LTBP1: variants seen among roughly 807,000 people sequenced by gnomAD.
LTBP1 encodes latent transforming growth factor beta binding protein 1.
A neutral mutation model predicts 207.6 loss-of-function variants in LTBP1; 129 were observed. That is an observed-to-expected ratio of 0.62 (90% confidence interval 0.54 to 0.72). The LOEUF (loss-of-function observed/expected upper bound fraction) is 0.72, where lower values mean the gene tolerates loss of function less well. LTBP1 is among the 30% of genes least tolerant of loss of function. LTBP1 has a pLI of 0.00. For synonymous variants in LTBP1, 963 were observed against 833.7 expected (o/e 1.16, Z -2.67); for missense variants, 2,281 against 2,217.2 (o/e 1.03, Z -0.58).
intron 5 of LTBP1, among the ~76,000 whole-genome samples, chr2:33,179,185 A>G (rs984061914): frequency 4.6e-5 from 7 of 151,092 alleles, no homozygotes; most frequent in African/African-American, 9.9e-5. Flanking sequence ...TTAAAACATG[A>G]GATCTTTCTG....
intron 31 of LTBP1, among the ~76,000 whole-genome samples, chr2:33,371,747 G>GC (rs1207620631): frequency 1.3e-5 from 2 of 152,206 alleles, no homozygotes; most frequent in Non-Finnish European, 2.9e-5. Context: ...AACTTGCCAA[G>GC]CCATCTTAGG....
At chr2:32,999,282 A>T (rs1271787377) in intron 2 of LTBP1, among the ~76,000 whole-genome samples, 1 of 152,182 alleles carries the variant, frequency 6.6e-6, no homozygotes, top group Non-Finnish European at 1.5e-5. Context: ...CACTCTAGAT[A>T]GTCGTTTTCT....
intron 2 of LTBP1, among the ~76,000 whole-genome samples, chr2:33,000,120 A>G (rs779848099): frequency 7.4e-6 from 1 of 135,064 alleles, no homozygotes; most frequent in Non-Finnish European, 1.6e-5. Context: ...GCTCTGAGAC[A>G]AACACTACTC....
chr2:33,270,252 AG>A (rs2148278059), intron 15 of LTBP1, among the ~76,000 whole-genome samples: 1 of 152,048 alleles, frequency 6.6e-6, no homozygotes, highest in South Asian at 2.1e-4. Context: ...AGTAGTGAAT[AG>A]AAAGCAGACA....
chr2:33,253,836 A>G (rs1195656517), intron 11 of LTBP1, among the ~76,000 whole-genome samples: 1 of 149,812 alleles, frequency 6.7e-6, no homozygotes, highest in Non-Finnish European at 1.5e-5. Flanking sequence ...CCTCCAAAAG[A>G]TCCTAGTACC....
chr2:33,275,280 G>A (rs1385379876), intron 17 of LTBP1, among the ~76,000 whole-genome samples, 190 bp downstream of exon 17: 1 of 152,174 alleles, frequency 6.6e-6, no homozygotes, highest in African/African-American at 2.4e-5. Flanking sequence ...TGAAGAAAGA[G>A]TGTCATATAT....
At chr2:33,321,571 C>T (rs184899527) in intron 24 of LTBP1, among the ~76,000 whole-genome samples, 131 of 152,278 alleles carry the variant, frequency 8.6e-4, no homozygotes, top group African/African-American at 2.6e-3. Flanking sequence ...AGCATAAAGC[C>T]GTGGACAGTG....
intron 2 of LTBP1, among the ~76,000 whole-genome samples, chr2:32,960,841 A>G (rs573682230): frequency 5.3e-4 from 80 of 152,252 alleles, no homozygotes; most frequent in African/African-American, 1.8e-3. Context: ...TTGTTGTGGG[A>G]ACATAGGTCA....
At chr2:32,964,856 A>G (rs976041609) in intron 2 of LTBP1, among the ~76,000 whole-genome samples, 9 of 152,082 alleles carry the variant, frequency 5.9e-5, no homozygotes, top group South Asian at 2.1e-4. Context: ...TCTGGCCAAC[A>G]TGGTGAAACC....
intron 7 of LTBP1, among the ~76,000 whole-genome samples, chr2:33,191,452 G>GT (rs2087865548): frequency 6.6e-6 from 1 of 152,124 alleles, no homozygotes; most frequent in African/African-American, 2.4e-5. Context: ...AATAAGACCT[G>GT]TTTTTTGGAA....
intron 9 of LTBP1, among the ~76,000 whole-genome samples, chr2:33,239,135 G>C (rs1434008353): frequency 6.6e-6 from 1 of 152,240 alleles, no homozygotes; most frequent in African/African-American, 2.4e-5. Context: ...GCTGAAGTAT[G>C]TGGTAGGCTA....
chr2:33,238,144 G>C (rs1446392613), intron 9 of LTBP1, among the ~76,000 whole-genome samples: 1 of 152,126 alleles, frequency 6.6e-6, no homozygotes, highest in Admixed American at 6.6e-5. Context: ...CAAGTGGAAG[G>C]CATACTGCTA....
chr2:33,169,871 T>C (rs568615468), intron 5 of LTBP1, among the ~76,000 whole-genome samples: 5 of 152,134 alleles, frequency 3.3e-5, no homozygotes, highest in Non-Finnish European at 4.4e-5. Flanking sequence ...TAAACAGATA[T>C]GTGGGGAAAT....
intron 3 of LTBP1, among the ~76,000 whole-genome samples, chr2:33,084,268 A>T (rs191868338): frequency 3.9e-5 from 6 of 152,238 alleles, no homozygotes; most frequent in Admixed American, 3.3e-4. Flanking sequence ...TTTGCTTTTA[A>T]ATTTTCAGCT....
At chr2:33,294,462 G>C (rs2093835197) in intron 20 of LTBP1, among the ~76,000 whole-genome samples, 1 of 151,812 alleles carries the variant, frequency 6.6e-6, no homozygotes, top group Admixed American at 6.6e-5. Flanking sequence ...CTCCCAAATT[G>C]CTGAGATTAC....
chr2:33,121,835 CTG>C (rs1216224685), intron 4 of LTBP1, among the ~76,000 whole-genome samples: 1 of 151,898 alleles, frequency 6.6e-6, no homozygotes, highest in African/African-American at 2.4e-5. Context: ...GTTTTGGTAA[CTG>C]TAGAAATTTA....
intron 18 of LTBP1, among the ~76,000 whole-genome samples, chr2:33,277,915 C>T (rs1440102769): frequency 7.3e-5 from 11 of 149,852 alleles, no homozygotes; most frequent in Admixed American, 4.7e-4. Flanking sequence ...CTGCAAGCTC[C>T]GCCTCCCGGG....
At chr2:33,393,977 C>T (rs817205) in intron 32 of LTBP1, among the ~76,000 whole-genome samples, 1,622 of 135,946 alleles carry the variant, frequency 0.012, 22 homozygotes, top group Admixed American at 0.016. Flanking sequence ...TTTTAATGAT[C>T]GCCATTGTAA....
At chr2:33,198,218 T>G (rs576457606) in intron 7 of LTBP1, among the ~76,000 whole-genome samples, 4 of 152,350 alleles carry the variant, frequency 2.6e-5, no homozygotes, top group East Asian at 3.9e-4. Flanking sequence ...TTGCGTATAT[T>G]GAACCAGCCT....
Sources: gnomAD v4.1 joint callset for allele counts (sites outside exome capture counted in the v4.1 genomes callset) on GRCh38, gnomAD v4.1.1 for gene constraint, MANE v1.5 for transcripts, NCBI Gene and HGNC (gene_info 2026-07-23, HGNC 2026-07-21) for gene names.